Variants in DPP6 observed in about 807,000 individuals in gnomAD.
The protein encoded by DPP6 is A-type potassium channel modulatory protein DPP6.
A neutral mutation model predicts 122.6 loss-of-function variants in DPP6; 69 were observed. The ratio of observed to expected loss-of-function variants is 0.56; its 90% CI spans 0.46 to 0.69. The LOEUF (loss-of-function observed/expected upper bound fraction) is 0.69. DPP6 is among the 30% of genes least tolerant of loss of function. The pLI is 0.00. For missense variants in DPP6, 928 were observed against 1,116.9 expected, an observed-to-expected ratio of 0.83 and a Z score of 2.41; for synonymous variants, 418 against 433.1, an observed-to-expected ratio of 0.97 and a Z score of 0.43.
intron 6 of DPP6, among the ~76,000 whole-genome samples, chr7:154,661,978 G>A (rs10085722): frequency 0.51 from 72,460 of 141,134 alleles, 20,157 homozygotes; most frequent in South Asian, 0.64. Flanking sequence ...TCAGCATGGT[G>A]TATTGGCGCT....
chr7:153,936,826 T>C (rs1801469531), intron 1 of DPP6, among the ~76,000 whole-genome samples: 1 of 149,344 alleles, frequency 6.7e-6, no homozygotes, highest in Non-Finnish European at 1.5e-5. Flanking sequence ...AAAAAAGAAA[T>C]GTGAGAGGAA....
intron 1 of DPP6, among the ~76,000 whole-genome samples, chr7:154,292,438 G>A (rs1431428774): frequency 4.6e-5 from 7 of 152,126 alleles, no homozygotes; most frequent in Admixed American, 6.5e-5. Context: ...GTCAGCATTC[G>A]TCTGAGCATG....
the DPP6 span, among the ~76,000 whole-genome samples, chr7:153,849,062 T>C: frequency 1.3e-5 from 2 of 152,202 alleles, no homozygotes; most frequent in African/African-American, 4.8e-5. Context: ...CCTAGGGAAA[T>C]TAATCTGTAG....
intron 1 of DPP6, among the ~76,000 whole-genome samples, chr7:154,063,686 G>T (rs565410282): frequency 4.8e-5 from 7 of 146,054 alleles, no homozygotes; most frequent in Non-Finnish European, 1.1e-4. Flanking sequence ...CCAGCGGGGG[G>T]AGGCACCTCC....
intron 4 of DPP6, among the ~76,000 whole-genome samples, chr7:154,542,662 T>C (rs1451049513): frequency 6.6e-6 from 1 of 152,230 alleles, no homozygotes; most frequent in East Asian, 1.9e-4. Flanking sequence ...CAATCTTTTT[T>C]CCTTAAAATG....
intron 1 of DPP6, among the ~76,000 whole-genome samples, chr7:154,207,092 G>A (rs987722123): frequency 6.6e-6 from 1 of 151,982 alleles, no homozygotes; most frequent in African/African-American, 2.4e-5. Context: ...ATTTGATGAG[G>A]GCATTATCAA....
chr7:154,729,198 C>T (rs1016674459), intron 8 of DPP6, among the ~76,000 whole-genome samples: 1 of 152,164 alleles, frequency 6.6e-6, no homozygotes, highest in African/African-American at 2.4e-5. Flanking sequence ...GATGAACAAC[C>T]CAAGCTCTTC....
At chr7:154,305,248 A>G (rs1806219159) in intron 1 of DPP6, 1 of 1,259,818 alleles carries the variant, frequency 7.9e-7, no homozygotes, top group Non-Finnish European at 1.0e-6. Flanking sequence ...GCTGTTGCTA[A>G]TTGGAGAAGC....
At chr7:153,784,670 G>C in the DPP6 span, among the ~76,000 whole-genome samples, 1 of 152,128 alleles carries the variant, frequency 6.6e-6, no homozygotes, top group African/African-American at 2.4e-5. Context: ...TGGAACATTG[G>C]ATTTTTAATG....
intron 1 of DPP6, among the ~76,000 whole-genome samples, chr7:154,053,522 C>T (rs1800567664): frequency 6.6e-6 from 1 of 150,816 alleles, no homozygotes; most frequent in Non-Finnish European, 1.5e-5. Flanking sequence ...CCATCGTGCC[C>T]CTCCTCTCCT....
intron 1 of DPP6, among the ~76,000 whole-genome samples, chr7:154,390,947 G>A (rs975665859): frequency 6.6e-6 from 1 of 152,228 alleles, no homozygotes. Flanking sequence ...GGGTCCCACC[G>A]TTTCTAACCA....
At chr7:153,967,815 T>C (rs1430987342) in intron 1 of DPP6, among the ~76,000 whole-genome samples, 1 of 151,986 alleles carries the variant, frequency 6.6e-6, no homozygotes, top group Non-Finnish European at 1.5e-5. Context: ...TGAGGAATAA[T>C]GAATTTAAAG....
At chr7:153,797,872 C>A in the DPP6 span, among the ~76,000 whole-genome samples, 1 of 152,016 alleles carries the variant, frequency 6.6e-6, no homozygotes, top group Admixed American at 6.6e-5. Context: ...AATGGAGTCT[C>A]GCTCTGTCGC....
intron 5 of DPP6, among the ~76,000 whole-genome samples, chr7:154,591,887 G>A (rs1041518120): frequency 6.6e-6 from 1 of 152,262 alleles, no homozygotes; most frequent in Non-Finnish European, 1.5e-5. Context: ...CAGGGTCACA[G>A]AGCGAGTCTG....
At chr7:153,998,783 A>G (rs1797560588) in intron 1 of DPP6, among the ~76,000 whole-genome samples, 1 of 152,232 alleles carries the variant, frequency 6.6e-6, no homozygotes. Flanking sequence ...TCTGACTGTT[A>G]GCACTGTGAA....
chr7:153,845,005 T>G, the DPP6 span, among the ~76,000 whole-genome samples: 21 of 152,188 alleles, frequency 1.4e-4, no homozygotes, highest in Non-Finnish European at 2.8e-4. Context: ...ATTTTTGAAT[T>G]AAAAAGTAGG....
intron 1 of DPP6, among the ~76,000 whole-genome samples, chr7:154,347,682 G>A (rs144544505): frequency 5.1e-4 from 77 of 152,284 alleles, no homozygotes; most frequent in African/African-American, 1.9e-3. Flanking sequence ...GCCAAACTGA[G>A]GGCAGCATTA....
At chr7:154,410,566 A>G (rs1372769831) in intron 1 of DPP6, among the ~76,000 whole-genome samples, 1 of 152,124 alleles carries the variant, frequency 6.6e-6, no homozygotes, top group African/African-American at 2.4e-5. Flanking sequence ...TTTTTTCTAC[A>G]TTTCTCTAAC....
chr7:154,031,884 C>T (rs1405003560), intron 1 of DPP6, among the ~76,000 whole-genome samples: 9 of 129,250 alleles, frequency 7.0e-5, no homozygotes, highest in East Asian at 2.2e-4. Context: ...TTTTGGGGGA[C>T]GGGGTCTCGC....
Sources: gnomAD v4.1 joint callset for allele counts (sites outside exome capture counted in the v4.1 genomes callset) on GRCh38, gnomAD v4.1.1 for gene constraint, MANE v1.5 for transcripts, NCBI Gene and HGNC (gene_info 2026-07-23, HGNC 2026-07-21) for gene names.